NCOA7: variants seen among roughly 807,000 people sequenced by gnomAD.
NCOA7 encodes nuclear receptor coactivator 7.
In NCOA7, 45 loss-of-function variants were observed where a neutral mutation model predicts 104.3. The ratio of observed to expected loss-of-function variants is 0.43; its 90% confidence interval spans 0.34 to 0.55. NCOA7 has a LOEUF of 0.55. Among genes scored for constraint, NCOA7 ranks in the 20% least tolerant of loss-of-function variants. NCOA7 has a pLI of 0.02. For synonymous variants in NCOA7, 398 were observed against 402.3 expected, an observed-to-expected ratio of 0.99 and a Z score of 0.13; for missense variants, 1,041 against 1,119.7, an observed-to-expected ratio of 0.93 and a Z score of 1.00.
chr6:125,895,823 G>A (rs183314835), intron 10 of NCOA7, among the ~76,000 whole-genome samples: 191 of 152,052 alleles, frequency 1.3e-3, no homozygotes, highest in African/African-American at 4.5e-3. Context: ...ACAGCACCAA[G>A]CAATGAGGGA....
intron 10 of NCOA7, among the ~76,000 whole-genome samples, chr6:125,893,587 G>A (rs1784779127): frequency 6.6e-6 from 1 of 152,058 alleles, no homozygotes; most frequent in Admixed American, 6.6e-5. Context: ...AGACCATGGA[G>A]AGGGCGGGGC....
intron 1 of NCOA7, among the ~76,000 whole-genome samples, chr6:125,783,889 T>C (rs1213023206): frequency 6.6e-6 from 1 of 152,240 alleles, no homozygotes; most frequent in African/African-American, 2.4e-5. Flanking sequence ...AGTTTCCTCA[T>C]TGTTTTTGAC....
At chr6:125,781,477 A>C (rs958797105) in intron 1 of NCOA7, 1 of 152,178 alleles carries the variant, frequency 6.6e-6, no homozygotes, top group Non-Finnish European at 1.5e-5. Flanking sequence ...TGAGAACAGG[A>C]AGATTTAAAG....
chr6:125,858,472 C>G (rs896613429), intron 3 of NCOA7, among the ~76,000 whole-genome samples: 1 of 151,722 alleles, frequency 6.6e-6, no homozygotes, highest in Non-Finnish European at 1.5e-5. Context: ...AAGATCCTGC[C>G]TCTACAAAAA....
At chr6:125,814,537 C>T (rs1436638274) in intron 1 of NCOA7, among the ~76,000 whole-genome samples, 1 of 152,176 alleles carries the variant, frequency 6.6e-6, no homozygotes, top group African/African-American at 2.4e-5. Context: ...TAGTGCTCTG[C>T]AGAAATTTAG....
chr6:125,855,237 A>T lies in NCOA7; in HGVS notation c.268A>T (p.Ile90Phe). The change falls in exon 3 of 16, where the codon ATT (isoleucine) becomes TTT (phenylalanine). Residue 90 changes from isoleucine (I) to phenylalanine (F), a missense_variant. Physicochemically the swap from Ile to Phe is conservative, Grantham distance 21. Around this residue, in one of 2 missense-constraint regions of NCOA7, gnomAD observed 914 missense variants for 942.7 expected, o/e 0.97. Transcript: ENST00000392477. ...RRTELKRYYS[I>F]DDNQNKTHDK... is the part of the protein sequence containing the mutation. The stretch of plus-strand genomic sequence containing the variant: ...TACAGAACTAAAGAGATATTATAGT[A>T]TTGGTGAGTATTCATGGCGTTACTG... 3 of 1,599,686 alleles carry T rather than the reference A, an allele frequency of 1.9e-6. No homozygotes were observed. The highest frequency in any genetic ancestry group is 2.6e-6 in the Non-Finnish European group (3 of 1,169,760).
Position 125,793,083 on chromosome 6 carries a change from A to G in NCOA7, c.-65+2016A>G, listed in dbSNP as rs372771762. Among the ~76,000 whole-genome samples the G allele has an allele frequency of 3.3e-5, 5 of 152,214 alleles. No individual in the cohort carries two copies. In the East Asian group the frequency reaches 9.6e-4, roughly 29 times the overall value. ...ACCTACTTATTTTCTTCCTAGATGG[A>G]TAAGGAAATAAAACTTTCCTATAAA... is the stretch of plus-strand genomic sequence containing the variant. On this transcript the variant is annotated intron_variant, in intron 1 of 15. Transcript: ENST00000392477.
chr6:125,812,506 G>A (rs1445199873), intron 1 of NCOA7, among the ~76,000 whole-genome samples: 1 of 152,184 alleles, frequency 6.6e-6, no homozygotes, highest in Admixed American at 6.5e-5. Context: ...GTACTCCCAT[G>A]TTTCTGTACA....
At chr6:125,923,091 TC>T (rs1361953129) in intron 13 of NCOA7, among the ~76,000 whole-genome samples, 1 of 152,234 alleles carries the variant, frequency 6.6e-6, no homozygotes, top group East Asian at 1.9e-4. Context: ...ACAGTCACAT[TC>T]TAAGGAGCTT....
intron 1 of NCOA7, among the ~76,000 whole-genome samples, chr6:125,814,791 T>C (rs1228261441): frequency 6.6e-6 from 1 of 152,158 alleles, no homozygotes; most frequent in Admixed American, 6.5e-5. Flanking sequence ...TTTGCTCAAG[T>C]GGGATGTACT....
At position 125,889,866 on chromosome 6, in the gene NCOA7, G is replaced by A; in HGVS notation, c.1812G>A (p.Glu604=). Residue 604 remains glutamate, a synonymous_variant, in exon 9 of 16, where the codon GAG becomes GAA. Transcript: ENST00000392477. ...CTACAGAAGCAAATGTGATTAAAGA[G>A]GCTCTAGACTCCTCTTTGGAATCTA... is the stretch of plus-strand genomic sequence containing the variant. ...NSSTEANVIK[E]ALDSSLESTL... is the part of the protein sequence containing the mutation. 1 of 1,613,226 alleles carries A rather than the reference G, an allele frequency of 6.2e-7. No homozygotes were observed. Among genetic ancestry groups the A allele is most frequent in the African/African-American group, 1.3e-5 (1 of 74,998 alleles).
intron 1 of NCOA7, among the ~76,000 whole-genome samples, chr6:125,807,373 A>G (rs531017713): frequency 3.3e-5 from 5 of 152,146 alleles, no homozygotes; most frequent in Admixed American, 6.5e-5. Flanking sequence ...TCTAATCCTC[A>G]AAAAGGGTAT....
At chr6:125,867,812 A>G (rs965956401) in intron 3 of NCOA7, among the ~76,000 whole-genome samples, 2 of 152,204 alleles carry the variant, frequency 1.3e-5, no homozygotes, top group Non-Finnish European at 2.9e-5. Flanking sequence ...TCCTGGCACA[A>G]CTGGAACCAA....
chr6:125,824,714 G>C (rs1354007508), intron 2 of NCOA7, among the ~76,000 whole-genome samples: 2 of 152,050 alleles, frequency 1.3e-5, no homozygotes, highest in Non-Finnish European at 2.9e-5. Context: ...ACAGATTCCA[G>C]GGAAAGAAAA....
intron 2 of NCOA7, among the ~76,000 whole-genome samples, chr6:125,840,436 G>A (rs970224303): frequency 6.6e-6 from 1 of 152,054 alleles, no homozygotes; most frequent in Non-Finnish European, 1.5e-5. Context: ...AGCACAGTAA[G>A]CACATTTACT....
intron 8 of NCOA7, among the ~76,000 whole-genome samples, chr6:125,887,992 A>T (rs578070298): frequency 4.6e-5 from 7 of 152,288 alleles, no homozygotes; most frequent in Admixed American, 3.9e-4. Context: ...ACATAGGTGC[A>T]TGCCATGGTG....
In NCOA7 at chr6:125,864,736, T is replaced by G. The variant is rs1018131017; in HGVS notation, c.271+9496T>G. Among the ~76,000 whole-genome samples the G allele has an allele frequency of 6.5e-5, 9 of 137,566 alleles. 2 individuals are homozygous for G. Among genetic ancestry groups the G allele is most frequent in the African/African-American group, 2.7e-4 (9 of 32,814 alleles). 90.2% of individuals were successfully genotyped at this position (137,566 alleles called of 152,430 possible). A position where few individuals can be genotyped will look rare whatever the true frequency, so the allele number is the denominator to read the frequency against. On this transcript the variant is annotated intron_variant, in intron 3 of 15. Coordinates refer to ENST00000392477, the MANE Select transcript of NCOA7 (RefSeq NM_181782.5). ...GCCAGTGTCTTGATCTCGGACTTCCTAGTGTCCAGAACTCTGGGAGATAAA... is the reference window on the plus strand; with the variant it reads ...GCCAGTGTCTTGATCTCGGACTTCCGAGTGTCCAGAACTCTGGGAGATAAA...
chr6:125,881,687 AAAAG>A (rs1237382394), intron 6 of NCOA7, among the ~76,000 whole-genome samples: 2 of 151,558 alleles, frequency 1.3e-5, no homozygotes, highest in Non-Finnish European at 2.9e-5. Context: ...AAAAAAAAAA[AAAAG>A]GCAAAAATGC....
intron 2 of NCOA7, among the ~76,000 whole-genome samples, chr6:125,821,920 C>T (rs969473615): frequency 1.3e-5 from 2 of 152,228 alleles, no homozygotes; most frequent in African/African-American, 4.8e-5. Flanking sequence ...GTGGATGGAT[C>T]TGGGTGGTTG....
Sources: allele counts gnomAD v4.1 joint callset (sites outside exome capture counted in the v4.1 genomes callset), GRCh38; gene constraint gnomAD v4.1.1; regional missense constraint gnomAD v4.1.1; transcripts MANE v1.5; gene names NCBI Gene and HGNC (gene_info 2026-07-23, HGNC 2026-07-21).